Variants in CCDC33 observed in about 807,000 individuals in gnomAD.
The protein encoded by CCDC33 is coiled-coil domain-containing protein 33.
A neutral mutation model predicts 91.9 loss-of-function variants in CCDC33; 94 were observed. That is an observed-to-expected ratio of 1.02 (90% CI 0.87 to 1.21). CCDC33 has a LOEUF of 1.21. Ranked by LOEUF, CCDC33 falls within the 50% of genes most tolerant of loss-of-function variation. CCDC33 has a pLI of 0.00. For missense variants in CCDC33, 940 were observed against 935.5 expected, an observed-to-expected ratio of 1.00 and a Z score of -0.06; for synonymous variants, 396 against 374.5, an observed-to-expected ratio of 1.06 and a Z score of -0.66.
chr15:74,266,717 AGTT>A lies in CCDC33; in HGVS notation c.365_367del (p.Leu122del), dbSNP rs998689893. On this transcript the variant is annotated inframe_deletion, in exon 4 of 19. Coordinates refer to ENST00000398814, the MANE Select transcript of CCDC33 (RefSeq NM_025055.5). ...GTGGTGGACAACAGAAAGAAACAGG[AGTT>A]GTTGTCCTACAAAATCCCCATCAAG... 9.3e-6 allele frequency: 15 copies of A among 1,614,040 alleles called. No homozygotes were observed. The highest frequency in any genetic ancestry group is 3.3e-5 in the Admixed American group (2 of 60,008).
intron 1 of CCDC33, among the ~76,000 whole-genome samples, chr15:74,239,877 A>C (rs1213918440): frequency 1.3e-5 from 2 of 152,200 alleles, no homozygotes; most frequent in Non-Finnish European, 2.9e-5. Context: ...CATGTAACCC[A>C]GTATATGCAT....
rs116194726 is a variant in CCDC33, at chr15:74,219,761, C to T, written c.675+900C>T. ...TCAGACATTTGTTAAATGCTAACTCCGCCGACTGCCTGCCAAGTGGGTAAG... is the reference window on the plus strand; with the variant it reads ...TCAGACATTTGTTAAATGCTAACTCTGCCGACTGCCTGCCAAGTGGGTAAG... On this transcript the variant is annotated intron_variant, in intron 2 of 2. Transcript: ENST00000635913. 4.6e-3 allele frequency among the ~76,000 whole-genome samples: 693 copies of T among 152,232 alleles called. 5 individuals are homozygous for T. Among genetic ancestry groups the T allele is most frequent in the African/African-American group, 0.016 (662 of 41,518 alleles).
intron 5 of CCDC33, among the ~76,000 whole-genome samples, chr15:74,270,514 A>T (rs2076285021): frequency 6.6e-6 from 1 of 152,170 alleles, no homozygotes; most frequent in Non-Finnish European, 1.5e-5. Flanking sequence ...CACTTTTGCC[A>T]TCATGTGTCA....
At chr15:74,331,766 A>G (rs1033748248) in intron 15 of CCDC33, among the ~76,000 whole-genome samples, 1 of 152,240 alleles carries the variant, frequency 6.6e-6, no homozygotes, top group Non-Finnish European at 1.5e-5. Flanking sequence ...GCAATGGTTC[A>G]TGCCTGTAAT....
rs961396098 is a variant in CCDC33 at position 74,281,661 on chromosome 15, ACCCT to A, written c.1024-114_1024-111del. 110 of 901,942 alleles carry A rather than the reference ACCCT, an allele frequency of 1.2e-4. No homozygotes were observed. The African/African-American group carries it at 1.4e-3, about 11-fold the overall frequency. The allele number at this position is 901,942 out of a possible 1,614,324, so 55.9% of individuals were successfully genotyped here. On this transcript the variant is annotated intron_variant, in intron 9 of 18. Transcript: ENST00000398814. ...GGAGGCCAGCTCCCACCTCCCTCCC[ACCCT>A]CCTGGGTGCAGCCCGCAGGTGACAC... is the stretch of plus-strand genomic sequence containing the variant.
chr15:74,299,522 C>T (rs1358968342), intron 11 of CCDC33: 1 of 152,236 alleles, frequency 6.6e-6, no homozygotes, highest in Non-Finnish European at 1.5e-5. Flanking sequence ...CTAGACTGAT[C>T]CTCTCATTTT....
chr15:74,227,352 T>C (rs1332665426), intron 2 of CCDC33, among the ~76,000 whole-genome samples: 1 of 152,250 alleles, frequency 6.6e-6, no homozygotes, highest in East Asian at 1.9e-4. Context: ...ATTTGCAAGC[T>C]GTTCCTCAGC....
chr15:74,305,917 G>A (rs351184), intron 11 of CCDC33, among the ~76,000 whole-genome samples: 72,712 of 151,810 alleles, frequency 0.48, 19,075 homozygotes, highest in East Asian at 0.71. Context: ...TCATTGTTAA[G>A]TAGAGGAAAT....
Position 74,268,375 on chromosome 15 carries a change from G to A in CCDC33, c.463G>A (p.Ala155Thr), listed in dbSNP as rs2142407872. 6.2e-7 allele frequency: 1 copy of A among 1,611,988 alleles called. No individual in the cohort carries two copies. Among genetic ancestry groups the A allele is most frequent in the Non-Finnish European group, 8.5e-7 (1 of 1,178,910 alleles). ...TESGKADEAT[A>T]KTQLYATVVR... is the part of the protein sequence containing the mutation. ...GTCTGGGAAAGCCGATGAAGCCACTGCCAAGACCCAGTTGTACGCAACAGT... is the reference window on the plus strand; with the variant it reads ...GTCTGGGAAAGCCGATGAAGCCACTACCAAGACCCAGTTGTACGCAACAGT... Residue 155 changes from alanine (A) to threonine (T), a missense_variant, in exon 5 of 19, where the codon GCC becomes ACC. Transcript: ENST00000398814.
intron 3 of CCDC33, among the ~76,000 whole-genome samples, chr15:74,264,905 T>C (rs1225633754): frequency 6.6e-6 from 1 of 152,190 alleles, no homozygotes; most frequent in African/African-American, 2.4e-5. Context: ...AGCAAGTTAG[T>C]ATTCTGGTAC....
Position 74,236,530 on chromosome 15 carries a change from CAT to C in CCDC33, c.-189_-188del. 4 of 407,806 alleles carry C rather than the reference CAT, an allele frequency of 9.8e-6. No homozygotes were observed. The highest frequency in any genetic ancestry group is 8.2e-5 in the East Asian group (2 of 24,408). The allele number at this position is 407,806 out of a possible 1,614,324, so 25.3% of individuals were successfully genotyped here. Reference sequence around the variant, plus strand: ...CCTGGCCACCCTCCCCCTCCCCCCACATCCAGGCCCCAGGGCTGGTGTGTGGC... The same window carrying C: ...CCTGGCCACCCTCCCCCTCCCCCCACCCAGGCCCCAGGGCTGGTGTGTGGC... On this transcript the variant is annotated 5_prime_UTR_variant, in exon 1 of 19. Coordinates refer to ENST00000398814, the MANE Select transcript of CCDC33 (RefSeq NM_025055.5).
At chr15:74,217,629 CT>C (rs1409515876) in intron 1 of CCDC33, 6 of 1,170,266 alleles carry the variant, frequency 5.1e-6, no homozygotes. Context: ...CCTGGAACTC[CT>C]GCCTGAGTCC....
intron 7 of CCDC33, among the ~76,000 whole-genome samples, chr15:74,275,057 C>T (rs1026668836): frequency 3.8e-4 from 58 of 152,338 alleles, no homozygotes; most frequent in African/African-American, 1.2e-3. Flanking sequence ...TCACACAGAC[C>T]CCTGCCCTGT....
chr15:74,240,721 T>G (rs934418590), intron 1 of CCDC33, among the ~76,000 whole-genome samples: 1 of 152,152 alleles, frequency 6.6e-6, no homozygotes, highest in Non-Finnish European at 1.5e-5. Flanking sequence ...GCCTCCCGAA[T>G]AGCTGGGATT....
chr15:74,271,785 A>T lies in CCDC33; in HGVS notation c.629A>T (p.Lys210Met), dbSNP rs755276757. The T allele has an allele frequency of 1.2e-6, 2 of 1,613,728 alleles. No individual in the cohort carries two copies. Among genetic ancestry groups the T allele is most frequent in the Admixed American group, 3.3e-5 (2 of 59,998 alleles). ...ATTGCCCGGGTCGTTCCCAACTACAAGGAATTTAAGTGAGTGGGGCCCAGG... is the reference window on the plus strand; with the variant it reads ...ATTGCCCGGGTCGTTCCCAACTACATGGAATTTAAGTGAGTGGGGCCCAGG... ...VVIARVVPNY[K>M]EFKVSQANRD... Residue 210 changes from lysine (K) to methionine (M), a missense_variant, in exon 6 of 19, where the codon AAG becomes ATG. Coordinates refer to ENST00000398814, the MANE Select transcript of CCDC33 (RefSeq NM_025055.5).
intron 11 of CCDC33, among the ~76,000 whole-genome samples, chr15:74,304,860 C>G (rs2059862621): frequency 6.6e-6 from 1 of 152,172 alleles, no homozygotes. Context: ...GTAAATGTGC[C>G]CCAGATCCCA....
chr15:74,291,609 CAG>C (rs1491180303), intron 10 of CCDC33, among the ~76,000 whole-genome samples: 1 of 152,236 alleles, frequency 6.6e-6, no homozygotes, highest in Admixed American at 6.5e-5. Context: ...CAAGAAGGCT[CAG>C]GGCGGGGCGA....
Position 74,330,983 on chromosome 15 carries a change from G to T in CCDC33, c.1548G>T (p.Lys516Asn), listed in dbSNP as rs370369621. The part of the protein sequence containing the change: ...VQHLQNELIR[K>N]NDREKELLLL... ...TTCTCTCCTCCCCCATCTCACAGAA[G>T]AATGATCGAGAGAAGGAGCTGCTCC... Residue 516 changes from lysine (K) to asparagine (N), a missense_variant and splice_region_variant, in exon 14 of 19, where the codon AAG (lysine) becomes AAT (asparagine). Transcript: ENST00000398814. 8.2e-6 allele frequency: 13 copies of T among 1,583,312 alleles called. No homozygotes were observed. The highest frequency in any genetic ancestry group is 5.4e-5 in the African/African-American group (4 of 74,102).
chr15:74,298,244 A>G (rs1449054047), intron 11 of CCDC33, among the ~76,000 whole-genome samples: 1 of 152,006 alleles, frequency 6.6e-6, no homozygotes, highest in East Asian at 1.9e-4. Context: ...TCTGCACTGT[A>G]CTTATAAAAC....
Sources: allele counts gnomAD v4.1 joint callset (sites outside exome capture counted in the v4.1 genomes callset), GRCh38; gene constraint gnomAD v4.1.1; transcripts MANE v1.5; gene names NCBI Gene and HGNC (gene_info 2026-07-23, HGNC 2026-07-21).